Variants in RTTN observed in about 807,000 individuals in gnomAD.
RTTN encodes the protein rotatin.
Under a neutral mutation model 269.2 loss-of-function variants are expected in RTTN, and 182 were observed. The ratio of observed to expected loss-of-function variants is 0.68; its 90% CI spans 0.60 to 0.76. The LOEUF (loss-of-function observed/expected upper bound fraction) is 0.76. Ranked by LOEUF, RTTN falls within the 30% of genes least tolerant of loss-of-function variation. The pLI is 0.00. For missense variants in RTTN, 2,545 were observed against 2,608.6 expected, an observed-to-expected ratio of 0.98 and a Z score of 0.53; for synonymous variants, 1,006 against 963.5, an observed-to-expected ratio of 1.04 and a Z score of -0.82.
In RTTN at chr18:70,142,406, A is replaced by G. The variant is rs1242603575; in HGVS notation, c.2482-19T>C. ...TCTCCAACTACAAACCAAAAAAAAA[A>G]AAAAACCAAAATTACATTTATCTGC... On this transcript the variant is annotated intron_variant, in intron 18 of 48. Transcript: ENST00000640769. 1 of 1,353,952 alleles carries G rather than the reference A, an allele frequency of 7.4e-7. No individual in the cohort carries two copies. The highest frequency in any genetic ancestry group is 1.0e-6 in the Non-Finnish European group (1 of 965,798). 83.9% of individuals were successfully genotyped at this position (1,353,952 alleles called of 1,614,324 possible).
At chr18:70,039,500 A>C (rs1357531282) in intron 40 of RTTN, among the ~76,000 whole-genome samples, 3 of 152,204 alleles carry the variant, frequency 2.0e-5, no homozygotes, top group Non-Finnish European at 4.4e-5. Flanking sequence ...TAAAAACCTT[A>C]GACAAACAAA....
chr18:70,146,033 C>T (rs2060383002), intron 17 of RTTN, among the ~76,000 whole-genome samples: 2 of 152,248 alleles, frequency 1.3e-5, no homozygotes, highest in Admixed American at 6.5e-5. Flanking sequence ...GAGACAGACT[C>T]ACTGAGATTA....
chr18:70,205,409 A>C (rs1333045508), intron 1 of RTTN, 94 bp from the exon 2 acceptor site: 4 of 1,528,156 alleles, frequency 2.6e-6, no homozygotes, highest in Non-Finnish European at 3.6e-6. Flanking sequence ...AGACGGAATA[A>C]ACCAGTTTTT....
At chr18:70,098,472 A>T (rs1388984933) in intron 28 of RTTN, among the ~76,000 whole-genome samples, 3 of 152,178 alleles carry the variant, frequency 2.0e-5, no homozygotes. Context: ...AGACTAACTG[A>T]ATTATATTTT....
intron 10 of RTTN, among the ~76,000 whole-genome samples, chr18:70,179,533 G>A (rs1301624284): frequency 1.3e-5 from 2 of 152,016 alleles, no homozygotes; most frequent in African/African-American, 2.4e-5. Flanking sequence ...ATAGTAACTG[G>A]CCCACATTTT....
chr18:70,100,314 T>A (rs1329607953), intron 28 of RTTN, among the ~76,000 whole-genome samples: 1 of 152,232 alleles, frequency 6.6e-6, no homozygotes, highest in Non-Finnish European at 1.5e-5. Flanking sequence ...TAAGTTGGAT[T>A]CCTAGGTATT....
At chr18:70,079,933 T>C (rs1026586363) in intron 32 of RTTN, among the ~76,000 whole-genome samples, 1 of 152,040 alleles carries the variant, frequency 6.6e-6, no homozygotes, top group Non-Finnish European at 1.5e-5. Context: ...AGATATAATA[T>C]TTTCAAGGAG....
chr18:70,055,254 A>T (rs887319262), intron 37 of RTTN, among the ~76,000 whole-genome samples: 1 of 152,178 alleles, frequency 6.6e-6, no homozygotes. Flanking sequence ...CCAGTTACAT[A>T]TAAGTGAATT....
intron 16 of RTTN, among the ~76,000 whole-genome samples, chr18:70,149,526 GA>G (rs891320226): frequency 8.0e-5 from 10 of 124,806 alleles, no homozygotes; most frequent in African/African-American, 2.8e-4. Context: ...TTAATGTCCA[GA>G]AGGATTGCTT....
intron 42 of RTTN, among the ~76,000 whole-genome samples, 162 bp downstream of exon 42, chr18:70,029,850 A>G (rs1362026595): frequency 6.6e-6 from 1 of 152,186 alleles, no homozygotes; most frequent in Non-Finnish European, 1.5e-5. Context: ...AATTAAGACC[A>G]AAAAAAGCCA....
chr18:70,052,839 AT>A (rs2057713084), intron 38 of RTTN, among the ~76,000 whole-genome samples: 2 of 152,092 alleles, frequency 1.3e-5, no homozygotes, highest in South Asian at 4.1e-4. Flanking sequence ...ACAATTTTTA[AT>A]TTAACCAGCT....
At chr18:70,068,174 A>G (rs2058195791) in intron 34 of RTTN, among the ~76,000 whole-genome samples, 1 of 152,238 alleles carries the variant, frequency 6.6e-6, no homozygotes, top group African/African-American at 2.4e-5. Flanking sequence ...ATAATCTCCA[A>G]TCGATAGTAT....
intron 37 of RTTN, 84 bp from the exon 38 acceptor site, chr18:70,054,368 C>CAAT (rs1274201312): frequency 8.1e-7 from 1 of 1,240,134 alleles, no homozygotes; most frequent in Non-Finnish European, 1.1e-6. Context: ...TTTTGTAACA[C>CAAT]AATAAAAAAT....
chr18:70,021,402 AAATTAG>A (rs557143740), intron 44 of RTTN, among the ~76,000 whole-genome samples: 344 of 152,304 alleles, frequency 2.3e-3, no homozygotes, highest in African/African-American at 7.9e-3. Context: ...GGAGAAAAAA[AAATTAG>A]AAATATATTT....
At chr18:70,064,336 C>CAAAAA (rs11308196) in intron 35 of RTTN, among the ~76,000 whole-genome samples, 4 of 61,728 alleles carry the variant, frequency 6.5e-5, no homozygotes, top group Non-Finnish European at 1.1e-4. Flanking sequence ...AGACTGCCTC[C>CAAAAA]AAAAAAAAAA....
chr18:70,091,784 GCT>G (rs1053130319), intron 30 of RTTN: 9 of 152,534 alleles, frequency 5.9e-5, no homozygotes, highest in Non-Finnish European at 1.1e-4. Flanking sequence ...ATGGAGTCTT[GCT>G]CTGTTGCCCA....
chr18:70,053,231 T>C (rs192281376), intron 38 of RTTN: 8 of 152,336 alleles, frequency 5.3e-5, no homozygotes, highest in Admixed American at 4.6e-4. Context: ...TAAGATTGTC[T>C]CAGGTAGAGT....
intron 40 of RTTN, among the ~76,000 whole-genome samples, chr18:70,038,328 G>A (rs900693489): frequency 1.3e-4 from 20 of 152,136 alleles, no homozygotes; most frequent in African/African-American, 4.6e-4. Flanking sequence ...TTGACATCAG[G>A]ACTAATCCAG....
rs754194835 is a variant in RTTN, at chr18:70,109,640, G to A, written c.3761C>T (p.Ala1254Val). The A allele has an allele frequency of 5.3e-5, 86 of 1,613,860 alleles. 1 individual carries two copies. The highest frequency in any genetic ancestry group is 4.5e-5 in the East Asian group (2 of 44,872). ...GGACGGCAGGCCATAGAAATGAGGC[G>A]CATCCGTCACTTTCAGACACTGGAG... ...KLLQCLKVTD[A>V]PHFYGLPSLE... Residue 1254 changes from alanine (A) to valine (V), a missense_variant, in exon 28 of 49, where the codon GCG (alanine) becomes GTG (valine). Physicochemically the swap from Ala to Val is moderately conservative, Grantham distance 64. Coordinates refer to ENST00000640769, the MANE Select transcript of RTTN (RefSeq NM_173630.4).
Sources: allele counts gnomAD v4.1 joint callset (sites outside exome capture counted in the v4.1 genomes callset), GRCh38; gene constraint gnomAD v4.1.1; transcripts MANE v1.5; gene names NCBI Gene and HGNC (gene_info 2026-07-23, HGNC 2026-07-21).